Variants in ALS2 observed in about 807,000 individuals in gnomAD.
The protein encoded by ALS2 is alsin Rho guanine nucleotide exchange factor ALS2.
In ALS2, 117 loss-of-function variants were observed where a neutral mutation model predicts 203.4. The ratio of observed to expected loss-of-function variants is 0.58; its 90% CI spans 0.50 to 0.67. The LOEUF is 0.67. ALS2 is among the 30% of genes least tolerant of loss of function. The probability of loss-of-function intolerance (pLI) is 0.00; values close to 1 mark genes in which losing one functional copy is unlikely to be tolerated. For missense variants in ALS2, 1,715 were observed against 1,989.4 expected (o/e 0.86, Z 2.62); for synonymous variants, 718 against 725.9 (o/e 0.99, Z 0.17).
rs1210802713 is a variant in ALS2 at position 201,768,844 on chromosome 2, GAA to G, written c.20+20_20+21del. 1 of 1,611,248 alleles carries G rather than the reference GAA, an allele frequency of 6.2e-7. No homozygotes were observed. The highest frequency in any genetic ancestry group is 1.1e-5 in the South Asian group (1 of 90,952). On this transcript the variant is annotated intron_variant, in intron 2 of 33. Coordinates refer to ENST00000264276, the MANE Select transcript of ALS2 (RefSeq NM_020919.4). The stretch of plus-strand genomic sequence containing the variant: ...GCTATGTTTTCCTAGGAGGATAAGA[GAA>G]AAGGAAGAAATGATTTTACCTTCTC...
At chr2:201,719,590 A>AAAAAATAAAAAT (rs143044372) in intron 23 of ALS2, among the ~76,000 whole-genome samples, 78 of 148,922 alleles carry the variant, frequency 5.2e-4, no homozygotes, top group South Asian at 3.8e-3. Context: ...TCCGTCTCGA[A>AAAAAATAAAAAT]AAAAATAAAA....
chr2:201,730,527 G>A (rs746861726), intron 13 of ALS2, among the ~76,000 whole-genome samples: 44 of 151,934 alleles, frequency 2.9e-4, no homozygotes, highest in Admixed American at 2.8e-3. Context: ...AATACTATCA[G>A]TTGTTCTCTT....
intron 13 of ALS2, 139 bp downstream of exon 13, chr2:201,733,137 C>A (rs1691678853): frequency 1.0e-6 from 1 of 975,350 alleles, no homozygotes; most frequent in Admixed American, 2.7e-5. Flanking sequence ...CTGTCATTTC[C>A]CTGAAGAAAA....
chr2:201,705,305 A>T, intron 30 of ALS2, 105 bp from the exon 31 acceptor site: 2 of 1,467,980 alleles, frequency 1.4e-6, no homozygotes, highest in Non-Finnish European at 1.9e-6. Context: ...AACAGATGCA[A>T]ACACAAGCTT....
intron 7 of ALS2, among the ~76,000 whole-genome samples, chr2:201,751,516 T>C (rs1002211071): frequency 6.6e-5 from 10 of 152,252 alleles, no homozygotes; most frequent in Non-Finnish European, 1.3e-4. Flanking sequence ...AATATCCTTT[T>C]GACAATTTTT....
chr2:201,729,810 G>A (rs543888869), intron 13 of ALS2, among the ~76,000 whole-genome samples: 2 of 148,684 alleles, frequency 1.3e-5, no homozygotes, highest in East Asian at 2.0e-4. Context: ...GAACCCGGGA[G>A]GCGGAGCTTG....
Position 201,757,595 on chromosome 2 carries a change from A to G in ALS2, c.1278T>C (p.Ser426=). The G allele has an allele frequency of 1.9e-6, 3 of 1,614,146 alleles. No homozygotes were observed. Among genetic ancestry groups the G allele is most frequent in the Middle Eastern group, 1.6e-4 (1 of 6,062 alleles). The change falls in exon 5 of 34, where the codon AGT becomes AGC. Residue 426 remains serine (S), a synonymous_variant. Transcript: ENST00000264276. The part of the protein sequence containing the change: ...LSLKKVMNFY[S]TTPCETGAQA... ...GAGCTCCAGTTTCACAAGGGGTTGT[A>G]CTATAAAAGTTCATAACTTTCTTCA...
intron 12 of ALS2, among the ~76,000 whole-genome samples, chr2:201,734,651 TC>T (rs1344449450): frequency 5.9e-5 from 9 of 152,062 alleles, no homozygotes; most frequent in Admixed American, 3.9e-4. Flanking sequence ...GAACACAAAC[TC>T]CCTTGGACCA....
rs563328376 is a variant in ALS2 at position 201,776,325 on chromosome 2, C to T, written c.-61+4552G>A. Reference sequence around the variant, plus strand: ...TTCATGCTGAAACTTACTGAAACTACACTCTCCTGGTTATGACGATCCTCT... The same window carrying T: ...TTCATGCTGAAACTTACTGAAACTATACTCTCCTGGTTATGACGATCCTCT... On this transcript the variant is annotated intron_variant, in intron 1 of 33. Transcript: ENST00000264276. Among the ~76,000 whole-genome samples the T allele has an allele frequency of 5.9e-5, 9 of 152,222 alleles. No homozygotes were observed. In the South Asian group the frequency reaches 1.0e-3, roughly 18 times the overall value.
In ALS2 at chr2:201,746,155, A is replaced by G. The variant is rs145522658; in HGVS notation, c.1998+411T>C. 2.4e-4 allele frequency among the ~76,000 whole-genome samples: 37 copies of G among 152,282 alleles called. No individual in the cohort carries two copies. The South Asian group carries it at 7.5e-3, about 31-fold the overall frequency. On this transcript the variant is annotated intron_variant, in intron 9 of 33. Transcript: ENST00000264276. ...GAGGGCTCTACGGCTGCAGTCAGGA[A>G]ACTTCATAGTAAAATGTACTTTCCA... is the stretch of plus-strand genomic sequence containing the variant.
Position 201,727,683 on chromosome 2 carries a change from TGGGGA to T in ALS2, c.2912+17_2912+21del. ...GGTAACAGACTTGGACGGGGTGGGG[TGGGGA>T]GGGGGGACGCACTTACACACCACCA... is the stretch of plus-strand genomic sequence containing the variant. On this transcript the variant is annotated intron_variant, in intron 16 of 33. Transcript: ENST00000264276. 4 of 951,168 alleles carry T rather than the reference TGGGGA, an allele frequency of 4.2e-6. No homozygotes were observed. Among genetic ancestry groups the T allele is most frequent in the Middle Eastern group, 2.5e-4 (1 of 4,026 alleles). 58.9% of individuals were successfully genotyped at this position (951,168 alleles called of 1,614,324 possible). A position where few individuals can be genotyped will look rare whatever the true frequency, so the allele number is the denominator to read the frequency against.
chr2:201,757,370 A>G (rs2106079843), intron 5 of ALS2, 32 bp downstream of exon 5: 4 of 1,582,702 alleles, frequency 2.5e-6, no homozygotes, highest in East Asian at 2.2e-5. Context: ...ATTCCCCAAA[A>G]GTCAATTCAC....
At chr2:201,737,921 CAA>C (rs113250557) in intron 12 of ALS2, among the ~76,000 whole-genome samples, 3 of 132,666 alleles carry the variant, frequency 2.3e-5, no homozygotes, top group Non-Finnish European at 1.6e-5. Context: ...GACCCCGTCT[CAA>C]AAAAAAAAAA....
chr2:201,720,330 T>C (rs1319916295), intron 23 of ALS2, among the ~76,000 whole-genome samples: 1 of 152,034 alleles, frequency 6.6e-6, no homozygotes, highest in Non-Finnish European at 1.5e-5. Context: ...AAGCAACCAA[T>C]ATAATACACC....
rs386134176 is a variant in ALS2 at position 201,757,444 on chromosome 2, CCT to C, written c.1427_1428del (p.Glu476GlyfsTer71). The C allele has an allele frequency of 5.6e-6, 9 of 1,614,060 alleles. No individual in the cohort carries two copies. Among genetic ancestry groups the C allele is most frequent in the Non-Finnish European group, 7.6e-6 (9 of 1,180,002 alleles). On this transcript the variant is annotated frameshift_variant, in exon 5 of 34. Transcript: ENST00000264276. LOFTEE classifies it high-confidence loss of function. ...SLVDIREEET[E>X]GGSRRLSLPG... ...GGGAGGGAGAGTCTTCGACTGCCTC[CCT>C]CTGTTTCTTCTTCTCTGATATCCAC... is the stretch of plus-strand genomic sequence containing the variant.
chr2:201,730,898 C>T (rs1341090136), intron 13 of ALS2, among the ~76,000 whole-genome samples: 1 of 152,234 alleles, frequency 6.6e-6, no homozygotes, highest in Non-Finnish European at 1.5e-5. Context: ...TTTTACCCAC[C>T]TTAACTTTTG....
At chr2:201,706,783 C>T in intron 29 of ALS2, 63 bp downstream of exon 29, 1 of 1,582,812 alleles carries the variant, frequency 6.3e-7, no homozygotes, top group Non-Finnish European at 8.7e-7. Context: ...GCCAAATTTC[C>T]AATAATGCAG....
Position 201,754,524 on chromosome 2 carries a change from C to T in ALS2, c.1619G>A (p.Gly540Glu), listed in dbSNP as rs386134178. 1.2e-6 allele frequency: 2 copies of T among 1,614,010 alleles called. No individual in the cohort carries two copies. Among genetic ancestry groups the T allele is most frequent in the Non-Finnish European group, 1.7e-6 (2 of 1,179,982 alleles). The part of the protein sequence containing the change: ...TWGKGKEGQL[G>E]HGDVLPRLQP... ...TTACCTAGGCAGAACATCGCCGTGC[C>T]CCAGCTGCCCTTCCTTCCCTTTCCC... The change falls in exon 6 of 34, where the codon GGG (glycine) becomes GAG (glutamate). Residue 540 changes from glycine (G) to glutamate (E), a missense_variant. This residue lies in a region of ALS2 where 1,227 missense variants were observed against 1,413.5 expected (regional missense o/e 0.87). Coordinates refer to ENST00000264276, the MANE Select transcript of ALS2 (RefSeq NM_020919.4).
rs1692252451 is a variant in ALS2, at chr2:201,741,323, ATTTGT to A, written c.2351+346_2351+350del. 2.1e-5 allele frequency: 5 copies of A among 235,128 alleles called. No individual in the cohort carries two copies. In the South Asian group the frequency reaches 2.6e-4, roughly 12 times the overall value. The allele number at this position is 235,128 out of a possible 1,614,324, so 14.6% of individuals were successfully genotyped here. ...ACAATCAGCAGTTGGTCTTGAAATA[ATTTGT>A]TTAGTTACTAATTTCTTCCAAGTTT... is the stretch of plus-strand genomic sequence containing the variant. On this transcript the variant is annotated intron_variant, in intron 11 of 33. Transcript: ENST00000264276.
Sources: gnomAD v4.1 joint callset for allele counts (sites outside exome capture counted in the v4.1 genomes callset) on GRCh38, gnomAD v4.1.1 for gene constraint, gnomAD v4.1.1 regional missense constraint, MANE v1.5 for transcripts, NCBI Gene and HGNC (gene_info 2026-07-23, HGNC 2026-07-21) for gene names.